Variants in IQCM observed in about 807,000 individuals in gnomAD.
IQCM encodes IQ domain-containing protein M.
A neutral mutation model predicts 57.6 loss-of-function variants in IQCM; 45 were observed. The observed-to-expected ratio is 0.78, with a 90% CI of 0.62 to 1.00. The LOEUF is 1.00. Ranked by LOEUF, IQCM falls within the 50% of genes least tolerant of loss-of-function variation. IQCM has a pLI of 0.00. For synonymous variants in IQCM, 148 were observed against 158.9 expected (o/e 0.93, Z 0.51); for missense variants, 468 against 511.6 (o/e 0.91, Z 0.82).
intron 5 of IQCM, among the ~76,000 whole-genome samples, chr4:149,722,804 T>C (rs72957474): frequency 0.086 from 13,125 of 152,064 alleles, 676 homozygotes; most frequent in South Asian, 0.15. Flanking sequence ...ATTTTAGGAC[T>C]GTTTTCTCTA....
chr4:149,783,589 G>C (rs917659074), intron 2 of IQCM, among the ~76,000 whole-genome samples: 2 of 152,124 alleles, frequency 1.3e-5, no homozygotes, highest in African/African-American at 4.8e-5. Flanking sequence ...GGTGATCCTT[G>C]CCCTTTGATA....
intron 8 of IQCM, among the ~76,000 whole-genome samples, chr4:149,619,526 G>C (rs1033743240): frequency 6.6e-6 from 1 of 152,158 alleles, no homozygotes; most frequent in East Asian, 1.9e-4. Context: ...TAGTAAATTT[G>C]ACTCACAAGG....
intron 13 of IQCM, among the ~76,000 whole-genome samples, chr4:149,356,619 A>C (rs1729006802): frequency 6.6e-6 from 1 of 152,124 alleles, no homozygotes; most frequent in Non-Finnish European, 1.5e-5. Flanking sequence ...TGTTTTGGTA[A>C]GAGTACCATG....
intron 13 of IQCM, among the ~76,000 whole-genome samples, chr4:149,413,131 A>T (rs1457385543): frequency 2.0e-5 from 3 of 152,360 alleles, no homozygotes; most frequent in African/African-American, 7.2e-5. Context: ...AAAATACAAG[A>T]TAACAATTTC....
intron 2 of IQCM, among the ~76,000 whole-genome samples, chr4:149,781,754 A>T (rs913961019): frequency 1.3e-5 from 2 of 152,222 alleles, no homozygotes; most frequent in Admixed American, 1.3e-4. Flanking sequence ...CTGCCAAAAC[A>T]TTATGAATTG....
chr4:149,480,570 G>A (rs1740671353), intron 12 of IQCM, among the ~76,000 whole-genome samples: 1 of 152,088 alleles, frequency 6.6e-6, no homozygotes, highest in Non-Finnish European at 1.5e-5. Flanking sequence ...CCAGTTCCGT[G>A]TTATTGCAAA....
intron 12 of IQCM, among the ~76,000 whole-genome samples, chr4:149,438,602 G>A (rs1463633731): frequency 1.3e-5 from 2 of 151,932 alleles, no homozygotes; most frequent in Non-Finnish European, 2.9e-5. Flanking sequence ...TTTTATCTAA[G>A]TTTATTTCTG....
intron 8 of IQCM, among the ~76,000 whole-genome samples, chr4:149,611,107 T>C (rs1347080065): frequency 6.6e-6 from 1 of 151,848 alleles, no homozygotes; most frequent in Non-Finnish European, 1.5e-5. Context: ...ATATAAAAAA[T>C]TGTCATCATC....
chr4:149,407,082 C>G (rs1007462429), intron 13 of IQCM, among the ~76,000 whole-genome samples: 1 of 152,020 alleles, frequency 6.6e-6, no homozygotes, highest in Non-Finnish European at 1.5e-5. Context: ...GAGGTTTCCC[C>G]TTTTAAAGCC....
intron 12 of IQCM, among the ~76,000 whole-genome samples, chr4:149,493,535 T>C (rs1280706241): frequency 1.3e-5 from 2 of 152,094 alleles, no homozygotes; most frequent in Non-Finnish European, 2.9e-5. Context: ...AATATATATG[T>C]TGAAATTGCC....
At chr4:149,497,836 A>G (rs1742831927) in intron 12 of IQCM, among the ~76,000 whole-genome samples, 1 of 151,552 alleles carries the variant, frequency 6.6e-6, no homozygotes, top group Non-Finnish European at 1.5e-5. Context: ...GTACTCTGAT[A>G]TAAAATTTTT....
chr4:149,509,366 C>A (rs577255607), intron 12 of IQCM, among the ~76,000 whole-genome samples: 1 of 152,052 alleles, frequency 6.6e-6, no homozygotes, highest in African/African-American at 2.4e-5. Flanking sequence ...CAGCTTCAAC[C>A]TCTCAGGGCT....
chr4:149,535,057 A>G (rs115148466), intron 12 of IQCM, among the ~76,000 whole-genome samples: 1,844 of 152,194 alleles, frequency 0.012, 10 homozygotes, highest in Non-Finnish European at 0.02. Flanking sequence ...TAAAAGCTTG[A>G]TTCAGAAAAG....
chr4:149,455,529 C>T (rs1395768742), intron 12 of IQCM, among the ~76,000 whole-genome samples: 2 of 152,090 alleles, frequency 1.3e-5, no homozygotes, highest in East Asian at 3.9e-4. Context: ...TTACAACTCC[C>T]AGACACTCAG....
At chr4:149,741,421 C>T (rs1207149064) in intron 3 of IQCM, among the ~76,000 whole-genome samples, 2 of 152,128 alleles carry the variant, frequency 1.3e-5, no homozygotes, top group Non-Finnish European at 2.9e-5. Context: ...ATGCCAGGCT[C>T]ATAGCATCAA....
chr4:149,362,314 C>A lies in IQCM; in HGVS notation c.1391-10248G>T, dbSNP rs557118231. Among the ~76,000 whole-genome samples the A allele has an allele frequency of 2.2e-4, 34 of 152,098 alleles. 1 individual carries two copies. The South Asian group carries it at 2.3e-3, about 10-fold the overall frequency. ...AGACTTCAGAGGACTGTTGGGAGGG[C>A]ATGATTGATTTTTGAAATATGAGGA... On this transcript the variant is annotated intron_variant, in intron 13 of 13. Transcript: ENST00000636793.
intron 2 of IQCM, among the ~76,000 whole-genome samples, chr4:149,762,678 G>A (rs1177635976): frequency 1.3e-5 from 2 of 151,784 alleles, no homozygotes; most frequent in Non-Finnish European, 2.9e-5. Context: ...ATAAATTTTG[G>A]GTGGAGTTCC....
intron 13 of IQCM, among the ~76,000 whole-genome samples, chr4:149,368,964 A>ATATATATGTGTATATATATACACGTG (rs1730132930): frequency 1.8e-5 from 1 of 54,088 alleles, no homozygotes; most frequent in African/African-American, 8.0e-5. Flanking sequence ...ATACACGTGT[A>ATATATATGTGTATATATATACACGTG]TATATATATG....
At chr4:149,567,635 C>T (rs957368106) in intron 9 of IQCM, among the ~76,000 whole-genome samples, 1 of 151,970 alleles carries the variant, frequency 6.6e-6, no homozygotes, top group Non-Finnish European at 1.5e-5. Flanking sequence ...GCATGAGCCA[C>T]GGTGCAGGGC....
Sources: allele counts gnomAD v4.1 joint callset (sites outside exome capture counted in the v4.1 genomes callset), GRCh38; gene constraint gnomAD v4.1.1; transcripts MANE v1.5; gene names NCBI Gene and HGNC (gene_info 2026-07-23, HGNC 2026-07-21).